CLTCL1: variants seen among roughly 807,000 people sequenced by gnomAD.
CLTCL1 encodes clathrin heavy chain like 1, also known as clathrin heavy chain 2.
Under a neutral mutation model 190.0 loss-of-function variants are expected in CLTCL1, and 159 were observed. That is an observed-to-expected ratio of 0.84 (90% confidence interval 0.74 to 0.95). The LOEUF is 0.95. Ranked by LOEUF, CLTCL1 falls within the 40% of genes least tolerant of loss-of-function variation. The probability of loss-of-function intolerance (pLI) is 0.00; values close to 1 mark genes in which losing one functional copy is unlikely to be tolerated. For missense variants in CLTCL1, 1,878 were observed against 2,033.4 expected, an observed-to-expected ratio of 0.92 and a Z score of 1.47; for synonymous variants, 752 against 769.6, an observed-to-expected ratio of 0.98 and a Z score of 0.38.
At chr22:19,237,208 C>T (rs1420263701) in intron 5 of CLTCL1, among the ~76,000 whole-genome samples, 1 of 152,094 alleles carries the variant, frequency 6.6e-6, no homozygotes, top group Non-Finnish European at 1.5e-5. Flanking sequence ...GGCACAGTGA[C>T]ACACACCTGT....
At chr22:19,286,549 T>C (rs1286910150) in intron 1 of CLTCL1, among the ~76,000 whole-genome samples, 1 of 152,148 alleles carries the variant, frequency 6.6e-6, no homozygotes, top group Non-Finnish European at 1.5e-5. Flanking sequence ...AAACCAAATA[T>C]GGACTGGATT....
Position 19,263,851 on chromosome 22 carries a change from T to C in CLTCL1, c.251-9624A>G, listed in dbSNP as rs146727328. Among the ~76,000 whole-genome samples the C allele has an allele frequency of 1.3e-3, 196 of 152,360 alleles. 3 individuals are homozygous for C. Among genetic ancestry groups the C allele is most frequent in the African/African-American group, 4.4e-3 (185 of 41,578 alleles). ...AAAAAATTCATGTAACTCACTATTG[T>C]AATATTCTTTTTATTGTGGTAGTTT... On this transcript the variant is annotated intron_variant, in intron 2 of 32. Transcript: ENST00000427926.
Position 19,196,630 on chromosome 22 carries a change from G to T in CLTCL1, c.3900C>A (p.Ile1300=), listed in dbSNP as rs1290309319. The change falls in exon 25 of 33, where the codon ATC becomes ATA. Residue 1300 remains isoleucine (I), a synonymous_variant. Coordinates refer to ENST00000427926, the MANE Select transcript of CLTCL1 (RefSeq NM_007098.4). ...YQDRGYFEEL[I]LLLEAALGLE... ...GGCCCAGGGCCGCTTCCAACAGCAA[G>T]ATCAGCTCCTCAAAGTAGCCACGAT... The T allele has an allele frequency of 6.2e-7, 1 of 1,613,504 alleles. No individual in the cohort carries two copies. Among genetic ancestry groups the T allele is most frequent in the East Asian group, 2.2e-5 (1 of 44,840 alleles).
intron 14 of CLTCL1, among the ~76,000 whole-genome samples, chr22:19,223,122 G>C (rs1555953622): frequency 6.6e-6 from 1 of 152,172 alleles, no homozygotes; most frequent in Non-Finnish European, 1.5e-5. Flanking sequence ...CCATTCTCAA[G>C]AACAGCACAC....
chr22:19,273,590 T>C (rs2087395483), intron 2 of CLTCL1, among the ~76,000 whole-genome samples: 1 of 152,010 alleles, frequency 6.6e-6, no homozygotes, highest in Non-Finnish European at 1.5e-5. Flanking sequence ...AAAAACAAGG[T>C]TACTGCGCAA....
At chr22:19,246,205 G>A (rs1405633513) in intron 3 of CLTCL1, among the ~76,000 whole-genome samples, 2 of 150,116 alleles carry the variant, frequency 1.3e-5, no homozygotes, top group Non-Finnish European at 3.0e-5. Context: ...GACTACAGGC[G>A]CCTGCCACCA....
rs781791201 is a variant in CLTCL1, at chr22:19,233,291, A to G, written c.1396T>C (p.Leu466=). 1.9e-5 allele frequency: 31 copies of G among 1,613,638 alleles called. No individual in the cohort carries two copies. Among genetic ancestry groups the G allele is most frequent in the African/African-American group, 2.7e-5 (2 of 74,946 alleles). Residue 466 remains leucine, a synonymous_variant, in exon 9 of 33, where the codon TTG becomes CTG. Transcript: ENST00000427926. The stretch of plus-strand genomic sequence containing the variant: ...AGCATGGGGTCAGTGGTTTTGACCA[A>G]GTCTCCGAGCTCCTCTGAGCACTCC... ...KLECSEELGD[L]VKTTDPMLAL... is the part of the protein sequence containing the mutation.
intron 22 of CLTCL1, among the ~76,000 whole-genome samples, chr22:19,203,303 G>A (rs1344621922): frequency 6.6e-6 from 1 of 152,174 alleles, no homozygotes; most frequent in Non-Finnish European, 1.5e-5. Flanking sequence ...AGACAAGAGT[G>A]AAACTCCATC....
intron 2 of CLTCL1, chr22:19,258,762 A>G: frequency 1.4e-6 from 1 of 693,712 alleles, no homozygotes; most frequent in South Asian, 1.4e-5. Context: ...AGTGGACGGC[A>G]AAGTGGTGTT....
At chr22:19,281,703 G>C (rs1208722274) in intron 1 of CLTCL1, among the ~76,000 whole-genome samples, 1 of 152,154 alleles carries the variant, frequency 6.6e-6, no homozygotes, top group Non-Finnish European at 1.5e-5. Context: ...TTTCTAAATT[G>C]TCCTTTTGTT....
At chr22:19,287,374 C>G (rs1443539887) in intron 1 of CLTCL1, among the ~76,000 whole-genome samples, 2 of 152,096 alleles carry the variant, frequency 1.3e-5, no homozygotes, top group African/African-American at 4.8e-5. Flanking sequence ...TACCAGAAGG[C>G]TCAGTAGGAG....
intron 23 of CLTCL1, 87 bp downstream of exon 23, chr22:19,201,242 C>A: frequency 6.9e-7 from 1 of 1,450,460 alleles, no homozygotes; most frequent in South Asian, 1.4e-5. Context: ...GAGACCGGCA[C>A]CCAGAAGAGT....
intron 29 of CLTCL1, chr22:19,184,621 C>CA (rs2084251972): frequency 2.2e-6 from 1 of 453,186 alleles, no homozygotes; most frequent in South Asian, 1.6e-5. Flanking sequence ...GACGCCCGCT[C>CA]ATCTGTCTCC....
Position 19,222,072 on chromosome 22 carries a change from C to A in CLTCL1, c.2440G>T (p.Ala814Ser). The stretch of plus-strand genomic sequence containing the variant: ...ACATCAAGCAGCCCTCCAATCACAG[C>A]TGGGGTCCGGCTAGGGTTGACCTAG... Reference protein sequence around the residue: ...VQKVNPSRTPAVIGGLLDVDC... With the variant: ...VQKVNPSRTPSVIGGLLDVDC... The change falls in exon 16 of 33, where the codon GCT (alanine) becomes TCT (serine). Residue 814 changes from alanine (A) to serine (S), a missense_variant. By Grantham distance (99) the Ala-to-Ser change is moderately conservative. Coordinates refer to ENST00000427926, the MANE Select transcript of CLTCL1 (RefSeq NM_007098.4). The A allele has an allele frequency of 1.2e-6, 2 of 1,613,996 alleles. No homozygotes were observed. Among genetic ancestry groups the A allele is most frequent in the East Asian group, 2.2e-5 (1 of 44,872 alleles).
At chr22:19,247,175 T>C (rs1258342312) in intron 3 of CLTCL1, among the ~76,000 whole-genome samples, 2 of 152,190 alleles carry the variant, frequency 1.3e-5, no homozygotes, top group Admixed American at 6.5e-5. Context: ...TTTTTGTACA[T>C]GGTGTGAGGC....
At chr22:19,275,450 G>A (rs369071682) in intron 2 of CLTCL1, among the ~76,000 whole-genome samples, 173 bp downstream of exon 2, 2 of 152,066 alleles carry the variant, frequency 1.3e-5, no homozygotes, top group African/African-American at 4.8e-5. Context: ...CTGGTGCTCA[G>A]GGGCCTCTTA....
chr22:19,183,756 C>T (rs1555927034), intron 29 of CLTCL1, 145 bp from the exon 30 acceptor site: 1 of 763,796 alleles, frequency 1.3e-6, no homozygotes, highest in African/African-American at 1.7e-5. Context: ...ATGGCTGGGC[C>T]ATTCCCTATG....
intron 2 of CLTCL1, among the ~76,000 whole-genome samples, chr22:19,263,004 C>T (rs1438968895): frequency 5.3e-5 from 8 of 149,562 alleles, no homozygotes; most frequent in Non-Finnish European, 1.2e-4. Flanking sequence ...GCACTCCAGC[C>T]TGGGTGACAG....
intron 21 of CLTCL1, 126 bp downstream of exon 21, chr22:19,208,796 G>A (rs2085128990): frequency 1.3e-6 from 1 of 766,384 alleles, no homozygotes; most frequent in South Asian, 2.1e-5. Context: ...CTTTCATGTA[G>A]ATGTGCCCTC....
Sources: allele counts gnomAD v4.1 joint callset (sites outside exome capture counted in the v4.1 genomes callset), GRCh38; gene constraint gnomAD v4.1.1; transcripts MANE v1.5; gene names NCBI Gene and HGNC (gene_info 2026-07-23, HGNC 2026-07-21).